RBFOX1: variants seen among roughly 807,000 people sequenced by gnomAD.
RBFOX1 encodes RNA binding fox-1 homolog 1.
In RBFOX1, 8 loss-of-function variants were observed where a neutral mutation model predicts 57.7. The observed-to-expected ratio is 0.14, with a 90% confidence interval of 0.08 to 0.25. The LOEUF is 0.25. RBFOX1 is among the 10% of genes least tolerant of loss of function. The pLI, the probability that RBFOX1 is intolerant of heterozygous loss-of-function variation, is 1.00. For missense variants in RBFOX1, 611 were observed against 548.5 expected (o/e 1.11, Z -1.14); for synonymous variants, 326 against 222.4 (o/e 1.47, Z -4.15).
chr16:6,382,162 A>G (rs2091876028), intron 2 of RBFOX1, among the ~76,000 whole-genome samples: 1 of 152,314 alleles, frequency 6.6e-6, no homozygotes, highest in African/African-American at 2.4e-5. Context: ...TGTGTTGAAG[A>G]ATAGTATTCT....
intron 4 of RBFOX1, among the ~76,000 whole-genome samples, chr16:7,081,934 C>T (rs1293691317): frequency 6.6e-6 from 1 of 152,128 alleles, no homozygotes; most frequent in African/African-American, 2.4e-5. Context: ...GCTGGAGTTT[C>T]TCCTAAAGGA....
intron 1 of RBFOX1, among the ~76,000 whole-genome samples, chr16:5,334,495 G>A (rs72775798): frequency 2.0e-5 from 3 of 152,036 alleles, no homozygotes; most frequent in East Asian, 3.9e-4. Flanking sequence ...AGATGGTTGG[G>A]TCTTGCTCAT....
intron 3 of RBFOX1, among the ~76,000 whole-genome samples, chr16:6,657,250 C>T (rs184024145): frequency 3.9e-5 from 6 of 151,996 alleles, no homozygotes; most frequent in East Asian, 1.9e-4. Flanking sequence ...CCTTCAAATT[C>T]CCAGTAATAC....
intron 4 of RBFOX1, among the ~76,000 whole-genome samples, chr16:7,463,371 G>A (rs982656461): frequency 6.6e-6 from 1 of 152,180 alleles, no homozygotes; most frequent in East Asian, 1.9e-4. Flanking sequence ...GGGTGTGATT[G>A]TGGGTGCCTG....
At chr16:7,241,138 C>T (rs1385701852) in intron 4 of RBFOX1, among the ~76,000 whole-genome samples, 1 of 152,128 alleles carries the variant, frequency 6.6e-6, no homozygotes, top group African/African-American at 2.4e-5. Flanking sequence ...AGAAGTATCC[C>T]CTGCATTTGG....
At chr16:5,454,871 T>C (rs542684915) in intron 1 of RBFOX1, among the ~76,000 whole-genome samples, 32 of 77,484 alleles carry the variant, frequency 4.1e-4, no homozygotes, top group Non-Finnish European at 5.5e-4. Context: ...TCTTTCTTTC[T>C]TTCTTTCTTT....
chr16:5,595,468 C>G (rs1290422731), intron 2 of RBFOX1, among the ~76,000 whole-genome samples: 1 of 152,306 alleles, frequency 6.6e-6, no homozygotes, highest in South Asian at 2.1e-4. Context: ...GGGAGCAGAA[C>G]TTGCAGGGAA....
At chr16:7,122,235 A>C (rs72763568) in intron 4 of RBFOX1, among the ~76,000 whole-genome samples, 1 of 152,298 alleles carries the variant, frequency 6.6e-6, no homozygotes, top group Non-Finnish European at 1.5e-5. Flanking sequence ...GTAAAGAAAT[A>C]TTTGTAAACC....
chr16:7,201,763 G>A (rs2088566720), intron 4 of RBFOX1, among the ~76,000 whole-genome samples: 1 of 152,070 alleles, frequency 6.6e-6, no homozygotes, highest in Non-Finnish European at 1.5e-5. Context: ...ATGCCCGGCC[G>A]ATCTGATTCT....
chr16:5,784,135 C>G (rs1022480959), intron 3 of RBFOX1, among the ~76,000 whole-genome samples: 2 of 152,112 alleles, frequency 1.3e-5, no homozygotes, highest in African/African-American at 2.4e-5. Context: ...GAAGAGGAAG[C>G]AGGCAGCCGG....
At chr16:6,069,167 G>A (rs551540160) in intron 1 of RBFOX1, among the ~76,000 whole-genome samples, 1 of 152,242 alleles carries the variant, frequency 6.6e-6, no homozygotes, top group South Asian at 2.1e-4. Context: ...GGGAGGCCGA[G>A]GCGGATGGAT....
chr16:6,754,665 AAGAG>A (rs1030257442), intron 3 of RBFOX1, among the ~76,000 whole-genome samples: 54 of 152,220 alleles, frequency 3.5e-4, no homozygotes, highest in Middle Eastern at 3.4e-3. Context: ...AGGTGGGAGA[AAGAG>A]AGAATTAGAG....
intron 10 of RBFOX1, among the ~76,000 whole-genome samples, chr16:7,608,943 A>C (rs1042953050): frequency 2.0e-5 from 3 of 152,128 alleles, no homozygotes; most frequent in African/African-American, 7.2e-5. Flanking sequence ...TTCAGTTCTC[A>C]GTGTGTTCAT....
intron 2 of RBFOX1, among the ~76,000 whole-genome samples, chr16:5,485,335 G>C (rs916331160): frequency 1.9e-4 from 8 of 42,250 alleles, no homozygotes; most frequent in African/African-American, 4.6e-4. Flanking sequence ...GACAGAGCCA[G>C]ACTCCGTGTC....
At position 6,748,236 on chromosome 16, in the gene RBFOX1, A is replaced by C. The variant is rs139684098; in HGVS notation, c.-16+93586A>C. Among the ~76,000 whole-genome samples, 568 of 152,230 alleles carry C rather than the reference A, an allele frequency of 3.7e-3. 2 individuals carry two copies. Among genetic ancestry groups the C allele is most frequent in the African/African-American group, 0.012 (492 of 41,544 alleles). On this transcript the variant is annotated intron_variant, in intron 3 of 15. Coordinates refer to ENST00000550418, the MANE Select transcript of RBFOX1 (RefSeq NM_018723.4). ...GTACCATGCTGTGCATAAATTCCAG[A>C]AGTATACAGACCCAGCCTTCTTTTC...
intron 3 of RBFOX1, among the ~76,000 whole-genome samples, chr16:5,810,235 T>G (rs2055372381): frequency 1.3e-5 from 2 of 151,578 alleles, no homozygotes; most frequent in South Asian, 4.2e-4. Flanking sequence ...AAATGCTGAG[T>G]TAATGGGTGC....
At chr16:6,896,267 A>G (rs1164477758) in intron 3 of RBFOX1, among the ~76,000 whole-genome samples, 2 of 152,220 alleles carry the variant, frequency 1.3e-5, no homozygotes, top group African/African-American at 4.8e-5. Flanking sequence ...TCTCAAAACA[A>G]AACATAAAAC....
chr16:7,498,359 C>G (rs1217422146), intron 4 of RBFOX1, among the ~76,000 whole-genome samples: 1 of 152,058 alleles, frequency 6.6e-6, no homozygotes, highest in Non-Finnish European at 1.5e-5. Context: ...TCTCACTCAG[C>G]CTCTATGACA....
rs377123560 is a variant in RBFOX1, at chr16:7,000,586, C to T, written c.-15-51471C>T. Reference sequence around the variant, plus strand: ...TAAGTTTTCTTTTCTTTTTTTCTTTCTTTTTCTTTCTTTTTTTTTTTTTTT... The same window carrying T: ...TAAGTTTTCTTTTCTTTTTTTCTTTTTTTTTCTTTCTTTTTTTTTTTTTTT... On this transcript the variant is annotated intron_variant, in intron 3 of 15. Transcript: ENST00000550418. 1.6e-3 allele frequency among the ~76,000 whole-genome samples: 153 copies of T among 95,770 alleles called. 2 individuals carry two copies. The highest frequency in any genetic ancestry group is 4.0e-3 in the East Asian group (10 of 2,512). The allele number at this position is 95,770 out of a possible 152,430, so 62.8% of individuals were successfully genotyped here.
Sources: gnomAD v4.1 joint callset for allele counts (sites outside exome capture counted in the v4.1 genomes callset) on GRCh38, gnomAD v4.1.1 for gene constraint, MANE v1.5 for transcripts, NCBI Gene and HGNC (gene_info 2026-07-23, HGNC 2026-07-21) for gene names.